PKDCC: variants seen among roughly 807,000 people sequenced by gnomAD.
PKDCC encodes the protein extracellular tyrosine-protein kinase PKDCC.
A neutral mutation model predicts 44.7 loss-of-function variants in PKDCC; 35 were observed. The ratio of observed to expected loss-of-function variants is 0.78; its 90% CI spans 0.60 to 1.04. PKDCC has a LOEUF of 1.04. Among genes scored for constraint, PKDCC ranks in the 50% least tolerant of loss-of-function variants. The pLI, the probability that PKDCC is intolerant of heterozygous loss-of-function variation, is 0.00. For synonymous variants in PKDCC, 353 were observed against 303.3 expected (o/e 1.16, Z -1.70); for missense variants, 738 against 672.7 (o/e 1.10, Z -1.07).
intron 1 of PKDCC, among the ~76,000 whole-genome samples, chr2:42,049,086 A>G (rs1346389370): frequency 1.3e-5 from 2 of 152,138 alleles, no homozygotes; most frequent in East Asian, 1.9e-4. Flanking sequence ...AGGCCAGGAC[A>G]GAGGCTCCCA....
Position 42,054,760 on chromosome 2 carries a change from T to A in PKDCC, c.1035-181T>A. ...TCGGTTAGTATGAAGTTAGGTGTGG[T>A]GTTAGCATGTGCCCAGAACCCTCCC... On this transcript the variant is annotated intron_variant, in intron 3 of 6. Coordinates refer to ENST00000294964, the MANE Select transcript of PKDCC (RefSeq NM_138370.3). The surrounding 1 kb of genome is among the most constrained non-coding windows in gnomAD (Gnocchi z 6.1). 1 of 681,610 alleles carries A rather than the reference T, an allele frequency of 1.5e-6. No homozygotes were observed. Among genetic ancestry groups the A allele is most frequent in the Non-Finnish European group, 2.7e-6 (1 of 376,998 alleles). The allele number at this position is 681,610 out of a possible 1,614,324, so 42.2% of individuals were successfully genotyped here.
Position 42,055,621 on chromosome 2 carries a change from A to G in PKDCC, c.1222+228A>G, listed in dbSNP as rs1037590926. ...TTCTGCCTTCAACCTGGGGTTGGGC[A>G]CTGATACCCCTACTCTGGATGGCTC... On this transcript the variant is annotated intron_variant, in intron 5 of 6. Coordinates refer to ENST00000294964, the MANE Select transcript of PKDCC (RefSeq NM_138370.3). This position sits in a 1 kb window ranked among gnomAD's most constrained non-coding sequence, Gnocchi z 4.5. The G allele has an allele frequency of 1.7e-5, 9 of 541,382 alleles. No individual in the cohort carries two copies. The highest frequency in any genetic ancestry group is 1.0e-3 in the Middle Eastern group (2 of 2,010). The allele number at this position is 541,382 out of a possible 1,614,324, so 33.5% of individuals were successfully genotyped here.
Position 42,055,250 on chromosome 2 carries a change from C to G in PKDCC, c.1115-36C>G. On this transcript the variant is annotated intron_variant, in intron 4 of 6. Coordinates refer to ENST00000294964, the MANE Select transcript of PKDCC (RefSeq NM_138370.3). This position sits in a 1 kb window ranked among gnomAD's most constrained non-coding sequence, Gnocchi z 4.5. ...CTGACTTCAGGGAGGAGTGGGAGCC[C>G]CAGGCATCCTGTCTTAGCCACACTG... 6.3e-7 allele frequency: 1 copy of G among 1,577,264 alleles called. No homozygotes were observed. Among genetic ancestry groups the G allele is most frequent in the South Asian group, 1.1e-5 (1 of 87,448 alleles).
Position 42,051,202 on chromosome 2 carries a change from C to T in PKDCC, c.640-2037C>T, listed in dbSNP as rs935640710. Among the ~76,000 whole-genome samples the T allele has an allele frequency of 1.2e-4, 19 of 152,118 alleles. No homozygotes were observed. Among genetic ancestry groups the T allele is most frequent in the Non-Finnish European group, 2.4e-4 (16 of 67,964 alleles). ...GTCATGGGGATTGCCTGGGCGAGAT[C>T]TTTCTATCCATTTTCTTTGACCCCT... On this transcript the variant is annotated intron_variant, in intron 1 of 6. Transcript: ENST00000294964. The surrounding 1 kb of genome is among the most constrained non-coding windows in gnomAD (Gnocchi z 4.2).
In PKDCC at chr2:42,055,537, G is replaced by T. The variant is rs1445379887; in HGVS notation, c.1222+144G>T. The T allele has an allele frequency of 3.0e-6, 2 of 659,746 alleles. No homozygotes were observed. Among genetic ancestry groups the T allele is most frequent in the African/African-American group, 3.6e-5 (2 of 54,848 alleles). 40.9% of individuals were successfully genotyped at this position (659,746 alleles called of 1,614,324 possible). The stretch of plus-strand genomic sequence containing the variant: ...CTGTAGGGGCTCACATAGAATCATG[G>T]AGGGGCTGACATGGACTAATTTGAG... On this transcript the variant is annotated intron_variant, in intron 5 of 6. Coordinates refer to ENST00000294964, the MANE Select transcript of PKDCC (RefSeq NM_138370.3). This position sits in a 1 kb window ranked among gnomAD's most constrained non-coding sequence, Gnocchi z 4.5.
Position 42,055,044 on chromosome 2 carries a change from C to T in PKDCC, c.1114+24C>T, listed in dbSNP as rs1265750380. 6.2e-7 allele frequency: 1 copy of T among 1,603,902 alleles called. No individual in the cohort carries two copies. The highest frequency in any genetic ancestry group is 8.5e-7 in the Non-Finnish European group (1 of 1,170,774). ...AGGTGAGCTCTCCAGGGCCCATCTG[C>T]TTCCAGGCACCTACCCCACCCCCAC... On this transcript the variant is annotated intron_variant, in intron 4 of 6. Coordinates refer to ENST00000294964, the MANE Select transcript of PKDCC (RefSeq NM_138370.3). This position sits in a 1 kb window ranked among gnomAD's most constrained non-coding sequence, Gnocchi z 4.5.
rs1172972863 is a variant in PKDCC, at chr2:42,051,759, A to G, written c.640-1480A>G. Among the ~76,000 whole-genome samples the G allele has an allele frequency of 6.6e-6, 1 of 152,046 alleles. No individual in the cohort carries two copies. The highest frequency in any genetic ancestry group is 2.4e-5 in the African/African-American group (1 of 41,394). ...GCCCTGGCCCCCCAAGTCACAGCCC[A>G]AGAGTGAGGCCTTCCCCCATGCCAG... is the stretch of plus-strand genomic sequence containing the variant. On this transcript the variant is annotated intron_variant, in intron 1 of 6. Transcript: ENST00000294964. This position sits in a 1 kb window ranked among gnomAD's most constrained non-coding sequence, Gnocchi z 4.2.
chr2:42,052,027 T>C lies in PKDCC; in HGVS notation c.640-1212T>C, dbSNP rs143726976. On this transcript the variant is annotated intron_variant, in intron 1 of 6. Coordinates refer to ENST00000294964, the MANE Select transcript of PKDCC (RefSeq NM_138370.3). The surrounding 1 kb of genome is among the most constrained non-coding windows in gnomAD (Gnocchi z 4.3). ...ACGAGCCCCTAGCTGCTGTGGAGTA[T>C]GTTGGAAGAGCCAGGGGGATGCCTG... is the stretch of plus-strand genomic sequence containing the variant. Among the ~76,000 whole-genome samples, 1 of 152,140 alleles carries C rather than the reference T, an allele frequency of 6.6e-6. No individual in the cohort carries two copies. Among genetic ancestry groups the C allele is most frequent in the African/African-American group, 2.4e-5 (1 of 41,482 alleles).
rs559149258 is a variant in PKDCC, at chr2:42,054,996, C to G, written c.1090C>G (p.Leu364Val). Reference protein sequence around the residue: ...HSAPPSLRPLLDSIVNATGEL... With the variant: ...HSAPPSLRPLVDSIVNATGEL... ...TGCCCCGCCTTCACTGCGTCCTCTG[C>G]TGGACAGCATCGTCAACGCCACAGG... Residue 364 changes from leucine (L) to valine (V), a missense_variant, in exon 4 of 7, where the codon CTG becomes GTG. Coordinates refer to ENST00000294964, the MANE Select transcript of PKDCC (RefSeq NM_138370.3). The surrounding 1 kb of genome is among the most constrained non-coding windows in gnomAD (Gnocchi z 6.1). The G allele has an allele frequency of 1.5e-5, 24 of 1,614,110 alleles. No individual in the cohort carries two copies. The East Asian group carries it at 5.1e-4, about 34-fold the overall frequency.
At chr2:42,050,359 G>T (rs905275520) in intron 1 of PKDCC, among the ~76,000 whole-genome samples, 2 of 152,324 alleles carry the variant, frequency 1.3e-5, no homozygotes, top group Non-Finnish European at 1.5e-5. Flanking sequence ...GATCCTGAGG[G>T]AGTGGAGAGG....
rs1667969298 is a variant in PKDCC, at chr2:42,051,614, C to T, written c.640-1625C>T. ...TTCCCACAAAGGCTCAGACTCTGGG[C>T]AAGAAAATGAGAACCAGGCCCCAGG... On this transcript the variant is annotated intron_variant, in intron 1 of 6. Coordinates refer to ENST00000294964, the MANE Select transcript of PKDCC (RefSeq NM_138370.3). This position sits in a 1 kb window ranked among gnomAD's most constrained non-coding sequence, Gnocchi z 4.2. 6.6e-6 allele frequency among the ~76,000 whole-genome samples: 1 copy of T among 152,092 alleles called. No homozygotes were observed. The highest frequency in any genetic ancestry group is 2.1e-4 in the South Asian group (1 of 4,832).
Position 42,054,092 on chromosome 2 carries a change from C to T in PKDCC, c.819C>T (p.Ser273=), listed in dbSNP as rs147176592. ...ACCTGGCCCACTCCCCACTGGGCTC[C>T]GTCACTCTGCTGGACTTCCGCCCTC... The part of the protein sequence containing the change: ...LHHLAHSPLG[S]VTLLDFRPRQ... Residue 273 remains serine (S), a synonymous_variant, in exon 3 of 7, where the codon TCC becomes TCT. Transcript: ENST00000294964. The surrounding 1 kb of genome is among the most constrained non-coding windows in gnomAD (Gnocchi z 6.1). The T allele has an allele frequency of 1.1e-5, 17 of 1,612,622 alleles. 1 individual carries two copies. Among genetic ancestry groups the T allele is most frequent in the African/African-American group, 9.3e-5 (7 of 74,894 alleles).
chr2:42,053,006 C>A (rs1368191407), intron 1 of PKDCC, among the ~76,000 whole-genome samples: 1 of 152,180 alleles, frequency 6.6e-6, no homozygotes. Context: ...GTGGCCAGAC[C>A]TGCCTATTTA....
Position 42,048,260 on chromosome 2 carries a change from G to A in PKDCC, c.61G>A (p.Val21Ile), listed in dbSNP as rs1438212729. 3.1e-6 allele frequency: 4 copies of A among 1,279,256 alleles called. No homozygotes were observed. The highest frequency in any genetic ancestry group is 1.8e-5 in the South Asian group (1 of 54,856). 79.2% of individuals were successfully genotyped at this position (1,279,256 alleles called of 1,614,324 possible). A position where few individuals can be genotyped will look rare whatever the true frequency, so the allele number is the denominator to read the frequency against. The change falls in exon 1 of 7, where the codon GTC (valine) becomes ATC (isoleucine). Residue 21 changes from valine (V) to isoleucine (I), a missense_variant. Physicochemically the swap from Val to Ile is conservative, Grantham distance 29. Coordinates refer to ENST00000294964, the MANE Select transcript of PKDCC (RefSeq NM_138370.3). The surrounding 1 kb of genome is among the most constrained non-coding windows in gnomAD (Gnocchi z 6.2). ...GFCASFLLGS[V>I]LNVLFAPGSE... ...CTGCGCCTCCTTCCTGCTGGGCTCC[G>A]TCCTCAACGTGCTCTTCGCTCCGGG...
At chr2:42,053,388 TG>T in intron 2 of PKDCC, 27 bp downstream of exon 2, 1 of 1,590,442 alleles carries the variant, frequency 6.3e-7, no homozygotes, top group Non-Finnish European at 8.6e-7. Flanking sequence ...GCTCGGGCCC[TG>T]GGCTCCTTGC....
chr2:42,056,340 C>T (rs59855254), intron 5 of PKDCC, among the ~76,000 whole-genome samples: 2,409 of 152,252 alleles, frequency 0.016, 58 homozygotes, highest in African/African-American at 0.052. Flanking sequence ...CTGAGGCTCT[C>T]TCTGTAGAAT....
intron 1 of PKDCC, among the ~76,000 whole-genome samples, chr2:42,050,242 C>T (rs1667943742): frequency 6.6e-6 from 1 of 152,210 alleles, no homozygotes; most frequent in South Asian, 2.1e-4. Flanking sequence ...TCTGCAGCTT[C>T]AGGGAGTGAG....
chr2:42,048,207 G>A lies in PKDCC; in HGVS notation c.8G>A (p.Arg3His), dbSNP rs1231456931. 3.4e-6 allele frequency: 4 copies of A among 1,183,682 alleles called. No homozygotes were observed. The East Asian group carries it at 1.9e-4, about 55-fold the overall frequency. The allele number at this position is 1,183,682 out of a possible 1,614,324, so 73.3% of individuals were successfully genotyped here. Reference sequence around the variant, plus strand: ...GCCGGGGGGAGGGGAGCGATGCGGCGCCGGCGGGCGGCAGTGGCCGCGGGT... The same window carrying A: ...GCCGGGGGGAGGGGAGCGATGCGGCACCGGCGGGCGGCAGTGGCCGCGGGT... MR[R>H]RRAAVAAGFC... Residue 3 changes from arginine to histidine, a missense_variant, in exon 1 of 7, where the codon CGC becomes CAC. Physicochemically the swap from Arg to His is conservative, Grantham distance 29. Coordinates refer to ENST00000294964, the MANE Select transcript of PKDCC (RefSeq NM_138370.3). The surrounding 1 kb of genome is among the most constrained non-coding windows in gnomAD (Gnocchi z 6.2).
rs1667977630 is a variant in PKDCC, at chr2:42,052,092, TC to T, written c.640-1144del. Among the ~76,000 whole-genome samples, 1 of 151,962 alleles carries T rather than the reference TC, an allele frequency of 6.6e-6. No homozygotes were observed. The highest frequency in any genetic ancestry group is 2.4e-5 in the African/African-American group (1 of 41,320). On this transcript the variant is annotated intron_variant, in intron 1 of 6. Transcript: ENST00000294964. The surrounding 1 kb of genome is among the most constrained non-coding windows in gnomAD (Gnocchi z 4.3). ...GTGGTAGTGACACTCAGGCTTTGCT[TC>T]CCAGAAGTCCCTGGGCAGTGCGGAG...
Sources: allele counts gnomAD v4.1 joint callset (sites outside exome capture counted in the v4.1 genomes callset), GRCh38; gene constraint gnomAD v4.1.1; non-coding constraint Gnocchi (gnomAD v3.1); transcripts MANE v1.5; gene names NCBI Gene and HGNC (gene_info 2026-07-23, HGNC 2026-07-21).